Variants in DOCK2 observed in about 807,000 individuals in gnomAD.
DOCK2 encodes dedicator of cytokinesis 2.
A neutral mutation model predicts 248.9 loss-of-function variants in DOCK2; 87 were observed. That is an observed-to-expected ratio of 0.35 (90% CI 0.29 to 0.42). DOCK2 has a LOEUF of 0.42. Among genes scored for constraint, DOCK2 ranks in the 10% least tolerant of loss-of-function variants. The pLI, the probability that DOCK2 is intolerant of heterozygous loss-of-function variation, is 1.00. For missense variants in DOCK2, 1,747 were observed against 2,300.2 expected (o/e 0.76, Z 4.92); for synonymous variants, 805 against 821.6 (o/e 0.98, Z 0.35).
chr5:170,050,167 G>A lies in DOCK2; in HGVS notation c.4072-89G>A, dbSNP rs1424770678. ...GATGCACTGGACATCCCCATGGACCGTGGTCATTTTACAAGCTCCCCAGCT... is the reference window on the plus strand; with the variant it reads ...GATGCACTGGACATCCCCATGGACCATGGTCATTTTACAAGCTCCCCAGCT... On this transcript the variant is annotated intron_variant, in intron 40 of 51. Transcript: ENST00000520908. 137 of 1,524,982 alleles carry A rather than the reference G, an allele frequency of 9.0e-5. 1 individual carries two copies. In the South Asian group the frequency reaches 1.2e-3, roughly 13 times the overall value. 94.5% of individuals were successfully genotyped at this position (1,524,982 alleles called of 1,614,324 possible). A position where few individuals can be genotyped will look rare whatever the true frequency, so the allele number is the denominator to read the frequency against.
chr5:170,058,620 G>A (rs1020143898), intron 44 of DOCK2, among the ~76,000 whole-genome samples: 1 of 152,154 alleles, frequency 6.6e-6, no homozygotes, highest in Non-Finnish European at 1.5e-5. Context: ...CCTGGGCCCA[G>A]AGTATGCTTG....
At chr5:169,700,910 A>T (rs1225717999) in intron 13 of DOCK2, among the ~76,000 whole-genome samples, 1 of 144,300 alleles carries the variant, frequency 6.9e-6, no homozygotes, top group African/African-American at 2.6e-5. Context: ...GAAAGAAAGG[A>T]AGGAACGAAA....
At position 169,678,859 on chromosome 5, in the gene DOCK2, G is replaced by C. The variant is rs552102555; in HGVS notation, c.471-2885G>C. 5.4e-5 allele frequency among the ~76,000 whole-genome samples: 8 copies of C among 148,136 alleles called. No homozygotes were observed. The East Asian group carries it at 1.7e-3, about 31-fold the overall frequency. Reference sequence around the variant, plus strand: ...AAGGTTGGAGGACATGGGGGTGGGAGTCAGGGTGGGGATGACAACCACTCT... The same window carrying C: ...AAGGTTGGAGGACATGGGGGTGGGACTCAGGGTGGGGATGACAACCACTCT... On this transcript the variant is annotated intron_variant, in intron 6 of 51. Transcript: ENST00000520908.
In DOCK2 at chr5:169,809,222, C is replaced by T. The variant is rs113475382; in HGVS notation, c.2703+6016C>T. On this transcript the variant is annotated intron_variant, in intron 26 of 51. Transcript: ENST00000520908. ...GCCAGGCTGGTCCCGAACTCCTGAC[C>T]TTAAGTGATCTGCCCACCTCCACCT... Among the ~76,000 whole-genome samples, 1,335 of 152,276 alleles carry T rather than the reference C, an allele frequency of 8.8e-3. 10 individuals carry two copies. The highest frequency in any genetic ancestry group is 0.027 in the African/African-American group (1,117 of 41,548).
intron 23 of DOCK2, among the ~76,000 whole-genome samples, chr5:169,750,243 C>T (rs778564773): frequency 9.2e-5 from 14 of 152,010 alleles, no homozygotes; most frequent in South Asian, 6.2e-4. Flanking sequence ...TGTTTCCCTA[C>T]GATGGGCTAC....
At chr5:169,918,593 A>C (rs1008801897) in intron 27 of DOCK2, among the ~76,000 whole-genome samples, 10 of 152,270 alleles carry the variant, frequency 6.6e-5, no homozygotes, top group African/African-American at 1.9e-4. Context: ...ATATTGTCCA[A>C]TATGATACTG....
chr5:169,836,387 T>C (rs386074), intron 26 of DOCK2, among the ~76,000 whole-genome samples: 41,723 of 152,052 alleles, frequency 0.27, 7,577 homozygotes, highest in African/African-American at 0.52. Flanking sequence ...ACTATGAGTT[T>C]TAACAAAGCA....
At chr5:169,806,810 G>A (rs1312112441) in intron 26 of DOCK2, among the ~76,000 whole-genome samples, 1 of 152,042 alleles carries the variant, frequency 6.6e-6, no homozygotes, top group Non-Finnish European at 1.5e-5. Context: ...ACGGGGAGGG[G>A]ACAACTTTCC....
At chr5:169,988,205 T>C (rs959324186) in intron 29 of DOCK2, among the ~76,000 whole-genome samples, 5 of 152,208 alleles carry the variant, frequency 3.3e-5, no homozygotes, top group Admixed American at 2.0e-4. Flanking sequence ...GCCAAAATGA[T>C]CTCTTATGTT....
intron 27 of DOCK2, among the ~76,000 whole-genome samples, chr5:169,937,993 G>T (rs1776070087): frequency 6.6e-6 from 1 of 152,186 alleles, no homozygotes; most frequent in African/African-American, 2.4e-5. Context: ...GACAGATAGT[G>T]AAAACTCAGG....
At chr5:169,846,034 A>G (rs1354597029) in intron 27 of DOCK2, among the ~76,000 whole-genome samples, 1 of 152,194 alleles carries the variant, frequency 6.6e-6, no homozygotes, top group Non-Finnish European at 1.5e-5. Context: ...TTTTGAATTG[A>G]AATTTGACAA....
intron 26 of DOCK2, among the ~76,000 whole-genome samples, chr5:169,828,753 C>T (rs914113735): frequency 3.3e-5 from 5 of 152,216 alleles, no homozygotes; most frequent in Non-Finnish European, 7.3e-5. Context: ...TCTAGCTCCA[C>T]GCCTCATCTG....
chr5:169,765,208 T>G (rs1490368809), intron 25 of DOCK2, among the ~76,000 whole-genome samples: 3 of 152,178 alleles, frequency 2.0e-5, no homozygotes, highest in East Asian at 3.8e-4. Flanking sequence ...AAGTCTTAAT[T>G]TCTGCATCTG....
intron 25 of DOCK2, among the ~76,000 whole-genome samples, chr5:169,795,357 G>C (rs1247026779): frequency 1.3e-5 from 2 of 152,142 alleles, no homozygotes; most frequent in African/African-American, 4.8e-5. Flanking sequence ...GGTTTGTTTA[G>C]CTGGGAGATA....
At chr5:169,868,580 G>A (rs374102518) in intron 27 of DOCK2, among the ~76,000 whole-genome samples, 1 of 152,084 alleles carries the variant, frequency 6.6e-6, no homozygotes, top group African/African-American at 2.4e-5. Context: ...GCAACATAGC[G>A]AGACACCATC....
At chr5:169,726,640 T>G (rs1423982642) in intron 22 of DOCK2, among the ~76,000 whole-genome samples, 1 of 152,242 alleles carries the variant, frequency 6.6e-6, no homozygotes, top group Non-Finnish European at 1.5e-5. Context: ...AAATATTTAT[T>G]GGGCACCTAT....
intron 27 of DOCK2, among the ~76,000 whole-genome samples, chr5:169,845,972 A>G (rs1389364443): frequency 6.6e-6 from 1 of 152,222 alleles, no homozygotes; most frequent in Non-Finnish European, 1.5e-5. Flanking sequence ...GTTGGAAAGT[A>G]GTTACTCAGG....
chr5:169,711,866 G>A (rs756022883), intron 15 of DOCK2, 69 bp from the exon 16 acceptor site: 182 of 1,553,238 alleles, frequency 1.2e-4, no homozygotes, highest in Middle Eastern at 2.2e-4. Flanking sequence ...CTGTGGAAGT[G>A]TGTAGGGGGG....
rs763950012 is a variant in DOCK2, at chr5:169,835,259, G to GT, written c.2704-5498_2704-5497insT. Among the ~76,000 whole-genome samples the GT allele has an allele frequency of 1.7e-4, 24 of 138,610 alleles. 1 individual carries two copies. Among genetic ancestry groups the GT allele is most frequent in the African/African-American group, 3.6e-4 (12 of 33,752 alleles). 90.9% of individuals were successfully genotyped at this position (138,610 alleles called of 152,430 possible). On this transcript the variant is annotated intron_variant, in intron 26 of 51. Coordinates refer to ENST00000520908, the MANE Select transcript of DOCK2 (RefSeq NM_004946.3). Reference sequence around the variant, plus strand: ...AGTGGGAGGAAAGAGTGAAATGCCTGGTTTTTTTTTTTTTTTTTTTGAGAC... The same window carrying GT: ...AGTGGGAGGAAAGAGTGAAATGCCTGTGTTTTTTTTTTTTTTTTTTTGAGAC...
Sources: gnomAD v4.1 joint callset for allele counts (sites outside exome capture counted in the v4.1 genomes callset) on GRCh38, gnomAD v4.1.1 for gene constraint, MANE v1.5 for transcripts, NCBI Gene and HGNC (gene_info 2026-07-23, HGNC 2026-07-21) for gene names.